The following CLIP4 variants were observed in gnomAD, a reference collection of about 807,000 sequenced individuals.
CLIP4 encodes CAP-Gly domain containing linker protein family member 4.
Under a neutral mutation model 73.1 loss-of-function variants are expected in CLIP4, and 47 were observed. That is an observed-to-expected ratio of 0.64 (90% confidence interval 0.51 to 0.82). CLIP4 has a LOEUF of 0.82. Ranked by LOEUF, CLIP4 falls within the 40% of genes least tolerant of loss-of-function variation. CLIP4 has a pLI of 0.00. For synonymous variants in CLIP4, 306 were observed against 295.4 expected (o/e 1.04, Z -0.37); for missense variants, 874 against 852.9 (o/e 1.02, Z -0.31).
At chr2:29,155,043 A>C (rs1189774706) in intron 9 of CLIP4, among the ~76,000 whole-genome samples, 1 of 152,242 alleles carries the variant, frequency 6.6e-6, no homozygotes, top group Non-Finnish European at 1.5e-5. Context: ...AACACCTCTT[A>C]CAAGGAAAAA....
intron 9 of CLIP4, among the ~76,000 whole-genome samples, chr2:29,155,070 C>T (rs1478460379): frequency 6.6e-6 from 1 of 152,150 alleles, no homozygotes; most frequent in East Asian, 1.9e-4. Context: ...CCAAGCATAG[C>T]AGCTTTGAGA....
Position 29,182,343 on chromosome 2 carries a change from A to G in CLIP4, c.*450A>G, listed in dbSNP as rs572647509. On this transcript the variant is annotated 3_prime_UTR_variant, in exon 16 of 16. Coordinates refer to ENST00000320081, the MANE Select transcript of CLIP4 (RefSeq NM_024692.6). Reference sequence around the variant, plus strand: ...TTCTTTCTTTCTGTGCTTTATTACTAATAAGTCCAATGAGTGAGTAGTAGC... The same window carrying G: ...TTCTTTCTTTCTGTGCTTTATTACTGATAAGTCCAATGAGTGAGTAGTAGC... 1 of 153,966 alleles carries G rather than the reference A, an allele frequency of 6.5e-6. No individual in the cohort carries two copies. Among genetic ancestry groups the G allele is most frequent in the East Asian group, 1.9e-4 (1 of 5,210 alleles). The allele number at this position is 153,966 out of a possible 1,614,324, so 9.5% of individuals were successfully genotyped here.
chr2:29,144,566 T>C (rs1440963288), intron 7 of CLIP4, among the ~76,000 whole-genome samples: 1 of 152,112 alleles, frequency 6.6e-6, no homozygotes, highest in African/African-American at 2.4e-5. Context: ...CTTTAAGTTC[T>C]GGAATACATG....
At chr2:29,163,548 G>A (rs1315007048) in intron 12 of CLIP4, among the ~76,000 whole-genome samples, 1 of 152,090 alleles carries the variant, frequency 6.6e-6, no homozygotes, top group Non-Finnish European at 1.5e-5. Flanking sequence ...GTCATATACT[G>A]TTTACACAAT....
At chr2:29,130,932 C>T (rs1433999370) in intron 2 of CLIP4, 3 of 1,285,328 alleles carry the variant, frequency 2.3e-6, no homozygotes, top group South Asian at 2.6e-5. Flanking sequence ...AGAAGATAGA[C>T]TTTGGAGACA....
intron 1 of CLIP4, among the ~76,000 whole-genome samples, chr2:29,100,806 G>A (rs1178331364): frequency 6.6e-6 from 1 of 151,880 alleles, no homozygotes. Flanking sequence ...ACATTGGGCA[G>A]AGGTGGGAAG....
chr2:29,150,980 AATG>A (rs1185248810), intron 8 of CLIP4, among the ~76,000 whole-genome samples: 2 of 152,190 alleles, frequency 1.3e-5, no homozygotes, highest in Admixed American at 1.3e-4. Flanking sequence ...ATAATGTTAT[AATG>A]ATATAGTGGT....
At chr2:29,157,982 T>C (rs1667037953) in intron 11 of CLIP4, among the ~76,000 whole-genome samples, 1 of 152,210 alleles carries the variant, frequency 6.6e-6, no homozygotes, top group South Asian at 2.1e-4. Context: ...TTAGTGCTTC[T>C]ATTAATAGTT....
intron 6 of CLIP4, among the ~76,000 whole-genome samples, chr2:29,137,572 T>C (rs1410609157): frequency 6.6e-6 from 1 of 152,174 alleles, no homozygotes; most frequent in African/African-American, 2.4e-5. Flanking sequence ...GTAATTCTGT[T>C]TTTAGTTTTT....
intron 14 of CLIP4, chr2:29,167,743 C>A: frequency 2.4e-6 from 1 of 414,722 alleles, no homozygotes; most frequent in Non-Finnish European, 4.3e-6. Flanking sequence ...AGTACCCCAT[C>A]CCATCTCATC....
At chr2:29,168,060 T>C (rs1667743828) in intron 14 of CLIP4, among the ~76,000 whole-genome samples, 1 of 152,212 alleles carries the variant, frequency 6.6e-6, no homozygotes, top group Non-Finnish European at 1.5e-5. Flanking sequence ...TCCTAGGTAA[T>C]GCCTGTCTGT....
intron 6 of CLIP4, among the ~76,000 whole-genome samples, chr2:29,136,188 GT>G (rs549028917): frequency 4.3e-4 from 62 of 144,176 alleles, no homozygotes; most frequent in South Asian, 1.8e-3. Flanking sequence ...TGTTGTTGTT[GT>G]TTTTTTTTTT....
intron 4 of CLIP4, among the ~76,000 whole-genome samples, 173 bp from the exon 5 acceptor site, chr2:29,133,482 C>A (rs576297193): frequency 1.5e-4 from 23 of 152,292 alleles, no homozygotes; most frequent in Admixed American, 3.3e-4. Context: ...AAGTGTTTAT[C>A]TGTATCCCTG....
chr2:29,100,100 G>A (rs1048428756), intron 1 of CLIP4, among the ~76,000 whole-genome samples: 1 of 151,800 alleles, frequency 6.6e-6, no homozygotes, highest in Non-Finnish European at 1.5e-5. Flanking sequence ...GCTAATTTTT[G>A]TATTTTTTTG....
intron 15 of CLIP4, among the ~76,000 whole-genome samples, chr2:29,178,126 C>G (rs1668449079): frequency 6.6e-6 from 1 of 151,800 alleles, no homozygotes; most frequent in Non-Finnish European, 1.5e-5. Flanking sequence ...ATGAGATTAT[C>G]ACTGTTAGCA....
rs1479151854 is a variant in CLIP4 at position 29,183,167 on chromosome 2, A to G, written c.*1274A>G. The G allele has an allele frequency of 6.6e-6, 1 of 152,652 alleles. No individual in the cohort carries two copies. Among genetic ancestry groups the G allele is most frequent in the Non-Finnish European group, 1.5e-5 (1 of 68,024 alleles). 9.5% of individuals were successfully genotyped at this position (152,652 alleles called of 1,614,324 possible). A position where few individuals can be genotyped will look rare whatever the true frequency, so the allele number is the denominator to read the frequency against. On this transcript the variant is annotated 3_prime_UTR_variant, in exon 16 of 16. Coordinates refer to ENST00000320081, the MANE Select transcript of CLIP4 (RefSeq NM_024692.6). ...AAGTTTATGTCCTGTCTGTGTAAAG[A>G]TTCATCTTTTATTGTAAATATTTAG...
chr2:29,158,620 T>G (rs1667091997), intron 11 of CLIP4, among the ~76,000 whole-genome samples: 1 of 152,174 alleles, frequency 6.6e-6, no homozygotes, highest in Admixed American at 6.5e-5. Context: ...CCACTTGTTT[T>G]ATAGATTTGC....
At chr2:29,143,242 C>A (rs1558542833) in intron 6 of CLIP4, among the ~76,000 whole-genome samples, 1 of 152,148 alleles carries the variant, frequency 6.6e-6, no homozygotes, top group African/African-American at 2.4e-5. Flanking sequence ...CACATGGACG[C>A]CTTGCTTTTC....
At chr2:29,164,454 A>G (rs1217372658) in intron 13 of CLIP4, among the ~76,000 whole-genome samples, 4 of 152,182 alleles carry the variant, frequency 2.6e-5, no homozygotes, top group South Asian at 2.1e-4. Flanking sequence ...TTTATATAAT[A>G]TATCTCCTTG....
Sources: gnomAD v4.1 joint callset for allele counts (sites outside exome capture counted in the v4.1 genomes callset) on GRCh38, gnomAD v4.1.1 for gene constraint, MANE v1.5 for transcripts, NCBI Gene and HGNC (gene_info 2026-07-23, HGNC 2026-07-21) for gene names.